The following PEBP4 variants were observed in gnomAD, a reference collection of about 807,000 sequenced individuals.
PEBP4 encodes phosphatidylethanolamine-binding protein 4.
Under a neutral mutation model 23.9 loss-of-function variants are expected in PEBP4, and 22 were observed. The observed-to-expected ratio is 0.92, with a 90% CI of 0.66 to 1.31. The LOEUF is 1.31. PEBP4 is among the 40% of genes most tolerant of loss of function. The pLI is 0.00. For synonymous variants in PEBP4, 112 were observed against 99.3 expected, an observed-to-expected ratio of 1.13 and a Z score of -0.76; for missense variants, 324 against 281.7, an observed-to-expected ratio of 1.15 and a Z score of -1.07.
intron 5 of PEBP4, among the ~76,000 whole-genome samples, chr8:22,725,504 A>G (rs978950621): frequency 6.7e-6 from 1 of 149,184 alleles, no homozygotes; most frequent in African/African-American, 2.4e-5. Context: ...TCGGGGCATC[A>G]GGGAGAAGTT....
At chr8:22,734,203 C>T (rs920688152) in intron 4 of PEBP4, among the ~76,000 whole-genome samples, 2 of 152,168 alleles carry the variant, frequency 1.3e-5, no homozygotes, top group East Asian at 1.9e-4. Flanking sequence ...GCTCTGAGGT[C>T]CCCAGGGGCC....
chr8:22,748,885 G>A (rs1365257525), intron 4 of PEBP4, among the ~76,000 whole-genome samples: 1 of 152,176 alleles, frequency 6.6e-6, no homozygotes, highest in Non-Finnish European at 1.5e-5. Context: ...GGGGAAGGGT[G>A]TTGGCCCAGA....
chr8:22,773,478 C>G lies in PEBP4; in HGVS notation c.357+44159G>C, dbSNP rs570632435. On this transcript the variant is annotated intron_variant, in intron 4 of 6. Coordinates refer to ENST00000256404, the MANE Select transcript of PEBP4 (RefSeq NM_144962.3). ...GGGATGGGGAAGCTGAGCCTGGAAG[C>G]CTGTGGGATTTCTCAGCAGGCTCCT... is the stretch of plus-strand genomic sequence containing the variant. 2.6e-5 allele frequency among the ~76,000 whole-genome samples: 4 copies of G among 152,220 alleles called. No homozygotes were observed. In the South Asian group the frequency reaches 8.3e-4, roughly 32 times the overall value.
intron 2 of PEBP4, among the ~76,000 whole-genome samples, chr8:22,924,385 G>T (rs374417041): frequency 1.3e-5 from 2 of 152,018 alleles, no homozygotes; most frequent in Non-Finnish European, 2.9e-5. Context: ...ATTTAAACAG[G>T]AGAGACCAAG....
At chr8:22,888,321 T>C (rs1808425327) in intron 3 of PEBP4, among the ~76,000 whole-genome samples, 1 of 152,054 alleles carries the variant, frequency 6.6e-6, no homozygotes, top group Admixed American at 6.5e-5. Context: ...GCCCAGCTGA[T>C]TTTTGTATTT....
At chr8:22,796,443 T>A (rs1806262354) in intron 4 of PEBP4, among the ~76,000 whole-genome samples, 1 of 152,186 alleles carries the variant, frequency 6.6e-6, no homozygotes, top group African/African-American at 2.4e-5. Context: ...TGAGCGGAAT[T>A]GTCTCTTACT....
intron 3 of PEBP4, among the ~76,000 whole-genome samples, chr8:22,900,895 T>C (rs949825660): frequency 1.3e-5 from 2 of 152,116 alleles, no homozygotes; most frequent in Admixed American, 6.6e-5. Context: ...AGTTTAGACA[T>C]AATTCTGACA....
rs116793643 is a variant in PEBP4 at position 22,853,103 on chromosome 8, C to T, written c.259-35368G>A. Among the ~76,000 whole-genome samples the T allele has an allele frequency of 2.8e-3, 433 of 152,358 alleles. 2 individuals are homozygous for T. Among genetic ancestry groups the T allele is most frequent in the African/African-American group, 9.9e-3 (412 of 41,588 alleles). On this transcript the variant is annotated intron_variant, in intron 3 of 6. Coordinates refer to ENST00000256404, the MANE Select transcript of PEBP4 (RefSeq NM_144962.3). ...CAAGCATTTTCCGAACTAAGCATTC[C>T]AGTTTCATTTCAATCTGTAATTGCT...
intron 4 of PEBP4, 53 bp from the exon 5 acceptor site, chr8:22,727,273 C>T: frequency 6.3e-7 from 1 of 1,575,966 alleles, no homozygotes; most frequent in East Asian, 2.2e-5. Context: ...ACACTTCAGG[C>T]CACGTGGGCT....
chr8:22,761,068 C>T, intron 4 of PEBP4, among the ~76,000 whole-genome samples: 1 of 152,048 alleles, frequency 6.6e-6, no homozygotes, highest in South Asian at 2.1e-4. Flanking sequence ...CCATCTCCTC[C>T]TGGCCCCCTC....
chr8:22,775,555 G>T lies in PEBP4; in HGVS notation c.357+42082C>A, dbSNP rs1805798507. Among the ~76,000 whole-genome samples the T allele has an allele frequency of 6.6e-6, 1 of 152,216 alleles. No homozygotes were observed. The highest frequency in any genetic ancestry group is 1.5e-5 in the Non-Finnish European group (1 of 68,044). On this transcript the variant is annotated intron_variant, in intron 4 of 6. Transcript: ENST00000256404. This position sits in a 1 kb window ranked among gnomAD's most constrained non-coding sequence, Gnocchi z 4.8. The stretch of plus-strand genomic sequence containing the variant: ...GCTGGCTGTGGGCTCTATTTCTACT[G>T]ACAAGGCTTTACCCTGTAGGTGTGA...
intron 2 of PEBP4, 23 bp downstream of exon 2, chr8:22,927,561 C>T: frequency 1.9e-6 from 3 of 1,601,070 alleles, no homozygotes; most frequent in Non-Finnish European, 2.6e-6. Flanking sequence ...GTGCCTCCCG[C>T]CTCCAAGCCT....
chr8:22,744,189 A>G (rs1805060333), intron 4 of PEBP4, among the ~76,000 whole-genome samples: 1 of 152,218 alleles, frequency 6.6e-6, no homozygotes, highest in Non-Finnish European at 1.5e-5. Context: ...GTGGAAATTA[A>G]CATGCAATCT....
At chr8:22,920,409 T>G (rs1451661245) in intron 2 of PEBP4, 99 bp from the exon 3 acceptor site, 39 of 1,339,124 alleles carry the variant, frequency 2.9e-5, no homozygotes, top group Admixed American at 1.6e-4. Flanking sequence ...TAAAGTGAAA[T>G]GGGATCAAAT....
chr8:22,845,493 A>C (rs1024362497), intron 3 of PEBP4, among the ~76,000 whole-genome samples: 1 of 152,182 alleles, frequency 6.6e-6, no homozygotes, highest in African/African-American at 2.4e-5. Flanking sequence ...ATGGCACTCT[A>C]GCCTGGGCAG....
At chr8:22,731,977 A>G (rs1804748147) in intron 4 of PEBP4, among the ~76,000 whole-genome samples, 1 of 151,986 alleles carries the variant, frequency 6.6e-6, no homozygotes. Context: ...ACCCAGCCCC[A>G]TACCCCCTCA....
intron 3 of PEBP4, among the ~76,000 whole-genome samples, chr8:22,898,357 A>T (rs1216653389): frequency 7.5e-6 from 1 of 133,568 alleles, no homozygotes; most frequent in Non-Finnish European, 1.5e-5. Flanking sequence ...ACACCGCTGC[A>T]CTCCAGCCTG....
At chr8:22,762,243 C>T (rs1297501590) in intron 4 of PEBP4, among the ~76,000 whole-genome samples, 1 of 152,166 alleles carries the variant, frequency 6.6e-6, no homozygotes, top group Non-Finnish European at 1.5e-5. Context: ...CTACCTCCCA[C>T]CCCAGTGAAT....
chr8:22,785,116 G>A (rs750409271), intron 4 of PEBP4, among the ~76,000 whole-genome samples: 1 of 152,206 alleles, frequency 6.6e-6, no homozygotes, highest in Non-Finnish European at 1.5e-5. Context: ...TGCTCCCGTG[G>A]CAGTGGGACG....
Sources: gnomAD v4.1 joint callset for allele counts (sites outside exome capture counted in the v4.1 genomes callset) on GRCh38, gnomAD v4.1.1 for gene constraint, Gnocchi (gnomAD v3.1) non-coding constraint, MANE v1.5 for transcripts, NCBI Gene and HGNC (gene_info 2026-07-23, HGNC 2026-07-21) for gene names.